The following AATK variants were observed in gnomAD, a reference collection of about 807,000 sequenced individuals.
AATK encodes lemur tail kinase 1, also known as serine/threonine-protein kinase LMTK1.
AATK carries 91 observed loss-of-function variants against 114.3 expected under a neutral mutation model. The observed-to-expected ratio is 0.80, with a 90% CI of 0.67 to 0.95. The LOEUF (loss-of-function observed/expected upper bound fraction) is 0.95. Among genes scored for constraint, AATK ranks in the 40% least tolerant of loss-of-function variants. The probability of loss-of-function intolerance (pLI) is 0.00; values close to 1 mark genes in which losing one functional copy is unlikely to be tolerated. For synonymous variants in AATK, 1,075 were observed against 916.5 expected, an observed-to-expected ratio of 1.17 and a Z score of -3.12; for missense variants, 2,176 against 1,965.2, an observed-to-expected ratio of 1.11 and a Z score of -2.03.
At position 81,119,518 on chromosome 17, in the gene AATK, C is replaced by A; in HGVS notation, c.3946G>T (p.Ala1316Ser). The A allele has an allele frequency of 6.4e-7, 1 of 1,568,536 alleles. No individual in the cohort carries two copies. Residue 1316 changes from alanine (A) to serine (S), a missense_variant, in exon 13 of 14, where the codon GCC becomes TCC. Physicochemically the swap from Ala to Ser is moderately conservative, Grantham distance 99 (BLOSUM62 1). This residue lies in a region of AATK where 1,701 missense variants were observed against 1,394.7 expected (regional missense o/e 1.22). Coordinates refer to ENST00000326724, the MANE Select transcript of AATK (RefSeq NM_001080395.3). ...GGGGCGGGTGCGGCCGGGTCTAGGG[C>A]CATGGCGAAGGCTGCCTTGGCCGTC... is the stretch of plus-strand genomic sequence containing the variant. Reference protein sequence around the residue: ...LMTAKAAFAMALDPAAPAPAA... With the variant: ...LMTAKAAFAMSLDPAAPAPAA...
intron 1 of AATK, among the ~76,000 whole-genome samples, chr17:81,151,876 A>G (rs2061303459): frequency 6.6e-6 from 1 of 152,226 alleles, no homozygotes; most frequent in Non-Finnish European, 1.5e-5. Context: ...ACTTAATCAT[A>G]GAAGAAGTGA....
chr17:81,123,394 G>A, intron 9 of AATK, 51 bp from the exon 10 acceptor site: 2 of 1,314,578 alleles, frequency 1.5e-6, no homozygotes, highest in Non-Finnish European at 1.9e-6. Flanking sequence ...GCCACAGCAA[G>A]GACCGCGCAG....
In AATK at chr17:81,118,263, A is replaced by T. The variant is rs2060593001; in HGVS notation, c.*139T>A. On this transcript the variant is annotated 3_prime_UTR_variant, in exon 14 of 14. Transcript: ENST00000326724. ...CTCATCCCACGGGCTTCTCCAGGAC[A>T]CCGCGTGGGGCAGAGGCACCTGAAT... 1 of 821,112 alleles carries T rather than the reference A, an allele frequency of 1.2e-6. No individual in the cohort carries two copies. Among genetic ancestry groups the T allele is most frequent in the Admixed American group, 2.5e-5 (1 of 39,282 alleles). 50.9% of individuals were successfully genotyped at this position (821,112 alleles called of 1,614,324 possible). A position where few individuals can be genotyped will look rare whatever the true frequency, so the allele number is the denominator to read the frequency against.
At chr17:81,145,797 C>G (rs2061210070) in intron 1 of AATK, among the ~76,000 whole-genome samples, 1 of 149,616 alleles carries the variant, frequency 6.7e-6, no homozygotes, top group Non-Finnish European at 1.5e-5. Flanking sequence ...ACACAGCGAA[C>G]CGAAAAAAGC....
chr17:81,138,863 A>G (rs749226889), intron 1 of AATK, among the ~76,000 whole-genome samples: 4 of 151,716 alleles, frequency 2.6e-5, no homozygotes, highest in Admixed American at 6.6e-5. Flanking sequence ...TAACACGCAC[A>G]CATGTGCACA....
At chr17:81,132,055 C>G in intron 2 of AATK, 1 of 1,295,002 alleles carries the variant, frequency 7.7e-7, no homozygotes, top group Non-Finnish European at 1.0e-6. Context: ...GAGGCTGCAC[C>G]TGTATAGGGG....
In AATK at chr17:81,119,487, GCAGCC is replaced by G. The variant is rs762595764; in HGVS notation, c.3972_3976del (p.Ala1326HisfsTer27). 2 of 1,516,992 alleles carry G rather than the reference GCAGCC, an allele frequency of 1.3e-6. No homozygotes were observed. The highest frequency in any genetic ancestry group is 1.3e-5 in the South Asian group (1 of 78,412). 94.0% of individuals were successfully genotyped at this position (1,516,992 alleles called of 1,614,324 possible). ...GAAGGGAGCGGGCGTGGGCGTGGGC[GCAGCC>G]GGGGCGGGTGCGGCCGGGTCTAGGG... On this transcript the variant is annotated frameshift_variant, in exon 13 of 14. Transcript: ENST00000326724. LOFTEE classifies it high-confidence loss of function.
intron 1 of AATK, among the ~76,000 whole-genome samples, chr17:81,138,683 CCA>C (rs1257219968): frequency 1.1e-4 from 17 of 148,930 alleles, no homozygotes; most frequent in African/African-American, 3.5e-4. Context: ...GCACACCCAC[CCA>C]CACACACCCA....
At chr17:81,123,100 G>T in intron 10 of AATK, 94 bp downstream of exon 10, 1 of 1,324,388 alleles carries the variant, frequency 7.6e-7, no homozygotes. Flanking sequence ...GGCAGGGCTG[G>T]AACGCCAGGG....
chr17:81,162,195 C>A (rs2061435607), intron 1 of AATK, among the ~76,000 whole-genome samples: 1 of 152,098 alleles, frequency 6.6e-6, no homozygotes, highest in Non-Finnish European at 1.5e-5. Flanking sequence ...CCCAAGGCCA[C>A]TGTCCACACA....
chr17:81,138,357 A>G (rs932290580), intron 1 of AATK, among the ~76,000 whole-genome samples: 9 of 148,218 alleles, frequency 6.1e-5, no homozygotes, highest in African/African-American at 1.0e-4. Flanking sequence ...ATACCCACGC[A>G]CACACACTCC....
chr17:81,122,647 GCACCGGGCCCGGGCCCCACGCCGCCCC>G lies in AATK; in HGVS notation c.1262_1288del (p.Gly421_Gly429del), dbSNP rs1568222488. On this transcript the variant is annotated inframe_deletion, in exon 11 of 14. Transcript: ENST00000326724. Reference sequence around the variant, plus strand: ...CACGCCGCCCAGCATGGGCCCCGCCGCACCGGGCCCGGGCCCCACGCCGCCCCCGCCGGGCCGCAGAGAGCGCCAGCG... The same window carrying G: ...CACGCCGCCCAGCATGGGCCCCGCCGCGCCGGGCCGCAGAGAGCGCCAGCG... 1 of 1,463,474 alleles carries G rather than the reference GCACCGGGCCCGGGCCCCACGCCGCCCC, an allele frequency of 6.8e-7. No individual in the cohort carries two copies. The highest frequency in any genetic ancestry group is 1.3e-5 in the South Asian group (1 of 76,362). The allele number at this position is 1,463,474 out of a possible 1,614,324, so 90.7% of individuals were successfully genotyped here. A position where few individuals can be genotyped will look rare whatever the true frequency, so the allele number is the denominator to read the frequency against.
rs548579568 is a variant in AATK at position 81,129,175 on chromosome 17, C to G, written c.335-626G>C. 3.9e-5 allele frequency among the ~76,000 whole-genome samples: 6 copies of G among 152,378 alleles called. No individual in the cohort carries two copies. The East Asian group carries it at 1.2e-3, about 29-fold the overall frequency. ...TCCCCGAATTCTGCTCCCACGTCAA[C>G]TGCCCAGAGGGCTGACAGGCCTGGG... On this transcript the variant is annotated intron_variant, in intron 3 of 13. Coordinates refer to ENST00000326724, the MANE Select transcript of AATK (RefSeq NM_001080395.3).
In AATK at chr17:81,120,946, TAGGC is replaced by T; in HGVS notation, c.2986_2989del (p.Ala996ThrfsTer107). ...GGCCTCAGCCTCGAGGTCTGAGAAG[TAGGC>T]AGAGTCTCGGTAGGGATTCTTCTCG... On this transcript the variant is annotated frameshift_variant, in exon 11 of 14. Transcript: ENST00000326724. LOFTEE classifies it high-confidence loss of function. 6.2e-7 allele frequency: 1 copy of T among 1,608,056 alleles called. No individual in the cohort carries two copies. The highest frequency in any genetic ancestry group is 8.5e-7 in the Non-Finnish European group (1 of 1,178,024).
In AATK at chr17:81,146,590, C is replaced by T. The variant is rs144408180; in HGVS notation, c.56-12089G>A. ...AATTAGCCGGGCATGGTGGCAGGTG[C>T]CTGTAGTCCCAGCTACTCGGGAGGC... On this transcript the variant is annotated intron_variant, in intron 1 of 13. Coordinates refer to ENST00000326724, the MANE Select transcript of AATK (RefSeq NM_001080395.3). Among the ~76,000 whole-genome samples the T allele has an allele frequency of 3.5e-3, 528 of 152,180 alleles. 7 individuals carry two copies. The highest frequency in any genetic ancestry group is 0.012 in the African/African-American group (499 of 41,486).
At chr17:81,149,647 G>A (rs2061269656) in intron 1 of AATK, among the ~76,000 whole-genome samples, 3 of 152,102 alleles carry the variant, frequency 2.0e-5, no homozygotes, top group African/African-American at 7.2e-5. Context: ...CCCACCCTGG[G>A]CTTGGCTCCC....
At chr17:81,128,247 C>CCCT (rs1191937745) in intron 4 of AATK, among the ~76,000 whole-genome samples, 1 of 152,194 alleles carries the variant, frequency 6.6e-6, no homozygotes, top group East Asian at 1.9e-4. Flanking sequence ...CTGCTCCTCT[C>CCCT]CCTCCCAGGG....
rs1367395338 is a variant in AATK at position 81,120,517 on chromosome 17, C to G, written c.3419G>C (p.Arg1140Thr). The G allele has an allele frequency of 1.3e-6, 2 of 1,482,762 alleles. No individual in the cohort carries two copies. The highest frequency in any genetic ancestry group is 9.0e-7 in the Non-Finnish European group (1 of 1,114,774). The allele number at this position is 1,482,762 out of a possible 1,614,324, so 91.9% of individuals were successfully genotyped here. A position where few individuals can be genotyped will look rare whatever the true frequency, so the allele number is the denominator to read the frequency against. ...QKRMGGPGTP[R>T]APLRLALPGL... ...GGGCAGAGCCAGGCGGAGTGGGGCT[C>G]TGGGGGTGCCTGGGCCCCCCATCCG... Residue 1140 changes from arginine to threonine, a missense_variant, in exon 11 of 14, where the codon AGA becomes ACA. Arg to Thr is a moderately conservative substitution (Grantham distance 71). Coordinates refer to ENST00000326724, the MANE Select transcript of AATK (RefSeq NM_001080395.3).
Position 81,122,114 on chromosome 17 carries a change from G to C in AATK, c.1822C>G (p.Arg608Gly), listed in dbSNP as rs778129050. ...GGCCCCGCCGAGGGCGAGGGAGAGC[G>C]TGAGGGGCAGAGCGGGTCCCGCGCC... ...SLARDPLCPS[R>G]SPSPSAGPLS... is the part of the protein sequence containing the mutation. The change falls in exon 11 of 14, where the codon CGC becomes GGC. Residue 608 changes from arginine (R) to glycine (G), a missense_variant. By Grantham distance (125) the Arg-to-Gly change is moderately radical. Coordinates refer to ENST00000326724, the MANE Select transcript of AATK (RefSeq NM_001080395.3). 2 of 1,558,770 alleles carry C rather than the reference G, an allele frequency of 1.3e-6. No individual in the cohort carries two copies. The highest frequency in any genetic ancestry group is 1.7e-6 in the Non-Finnish European group (2 of 1,157,130).
Sources: gnomAD v4.1 joint callset for allele counts (sites outside exome capture counted in the v4.1 genomes callset) on GRCh38, gnomAD v4.1.1 for gene constraint, gnomAD v4.1.1 regional missense constraint, MANE v1.5 for transcripts, NCBI Gene and HGNC (gene_info 2026-07-23, HGNC 2026-07-21) for gene names.